The following ADAMTSL1 variants were observed in gnomAD, a reference collection of about 807,000 sequenced individuals.
The protein encoded by ADAMTSL1 is ADAMTS-like protein 1.
Under a neutral mutation model 201.8 loss-of-function variants are expected in ADAMTSL1, and 126 were observed. The ratio of observed to expected loss-of-function variants is 0.62; its 90% CI spans 0.54 to 0.72. ADAMTSL1 has a LOEUF of 0.72. Ranked by LOEUF, ADAMTSL1 falls within the 30% of genes least tolerant of loss-of-function variation. The pLI is 0.00. For synonymous variants in ADAMTSL1, 1,121 were observed against 903.4 expected (o/e 1.24, Z -4.32); for missense variants, 2,679 against 2,277.8 (o/e 1.18, Z -3.59).
At chr9:18,370,758 G>C (rs2133126363) in intron 2 of ADAMTSL1, among the ~76,000 whole-genome samples, 1 of 147,520 alleles carries the variant, frequency 6.8e-6, no homozygotes, top group Non-Finnish European at 1.5e-5. Context: ...TGCCAATTAT[G>C]AGCCAGGCAC....
At chr9:18,727,878 A>G (rs2570568) in intron 15 of ADAMTSL1, among the ~76,000 whole-genome samples, 125,607 of 151,932 alleles carry the variant, frequency 0.83, 52,210 homozygotes, top group Admixed American at 0.89. Context: ...TCAGGAGTTC[A>G]AGACCAGCCT....
chr9:18,839,739 A>T (rs1348202725), intron 23 of ADAMTSL1, among the ~76,000 whole-genome samples: 1 of 152,056 alleles, frequency 6.6e-6, no homozygotes, highest in African/African-American at 2.4e-5. Flanking sequence ...AACTGGTGTG[A>T]GGTGGTATCT....
chr9:18,536,621 C>T (rs979415480), intron 3 of ADAMTSL1, among the ~76,000 whole-genome samples: 1 of 152,100 alleles, frequency 6.6e-6, no homozygotes, highest in African/African-American at 2.4e-5. Context: ...TATTTTCATT[C>T]CTAAGGACAG....
At chr9:18,308,326 C>A (rs749630067) in intron 2 of ADAMTSL1, among the ~76,000 whole-genome samples, 1 of 151,942 alleles carries the variant, frequency 6.6e-6, no homozygotes, top group Admixed American at 6.6e-5. Flanking sequence ...TAGCAGAAGA[C>A]AAGAAATTAC....
At chr9:18,565,511 A>T (rs1247792530) in intron 3 of ADAMTSL1, among the ~76,000 whole-genome samples, 1 of 151,946 alleles carries the variant, frequency 6.6e-6, no homozygotes, top group African/African-American at 2.4e-5. Flanking sequence ...AAGGAGTTTT[A>T]AACTATACCT....
intron 2 of ADAMTSL1, among the ~76,000 whole-genome samples, chr9:18,235,825 C>T (rs564594309): frequency 4.3e-4 from 65 of 152,158 alleles, no homozygotes; most frequent in Admixed American, 1.3e-4. Context: ...GTCCTGAAGA[C>T]TTTACCATCC....
chr9:18,286,033 TTC>T (rs57298631), intron 2 of ADAMTSL1, among the ~76,000 whole-genome samples: 5,782 of 149,596 alleles, frequency 0.039, 367 homozygotes, highest in African/African-American at 0.13. Context: ...ACTGGTTACT[TTC>T]TCTCTCTCTC....
intron 7 of ADAMTSL1, among the ~76,000 whole-genome samples, chr9:18,648,418 G>T (rs1435287697): frequency 6.6e-6 from 1 of 152,074 alleles, no homozygotes; most frequent in African/African-American, 2.4e-5. Flanking sequence ...GTATGACTTT[G>T]ATCCTGTCAT....
rs970537134 is a variant in ADAMTSL1 at position 18,180,339 on chromosome 9, C to T, written c.207+16358C>T. Among the ~76,000 whole-genome samples the T allele has an allele frequency of 5.6e-4, 85 of 152,036 alleles. 1 individual carries two copies. In the Middle Eastern group the frequency reaches 0.014, roughly 25 times the overall value. On this transcript the variant is annotated intron_variant, in intron 2 of 29. Transcript: ENST00000680146. ...ACGAGGTCAGGAGATCGAGACCATC[C>T]CGGCTAAAACGGTGAAACCCCGTCT...
At chr9:18,306,949 G>A (rs1248124324) in intron 2 of ADAMTSL1, among the ~76,000 whole-genome samples, 2 of 152,136 alleles carry the variant, frequency 1.3e-5, no homozygotes, top group Non-Finnish European at 2.9e-5. Flanking sequence ...AGAGAGAAAG[G>A]TTGGGTTACC....
chr9:18,084,037 A>G (rs1366588366), intron 1 of ADAMTSL1, among the ~76,000 whole-genome samples: 1 of 152,188 alleles, frequency 6.6e-6, no homozygotes, highest in Non-Finnish European at 1.5e-5. Flanking sequence ...GTTTACTGAT[A>G]TTTAAGAAGG....
intron 15 of ADAMTSL1, among the ~76,000 whole-genome samples, chr9:18,750,145 A>G (rs1157021435): frequency 6.6e-6 from 1 of 152,204 alleles, no homozygotes; most frequent in Non-Finnish European, 1.5e-5. Context: ...GTGGAAAGAA[A>G]ACCTTTTTTT....
intron 1 of ADAMTSL1, among the ~76,000 whole-genome samples, chr9:18,109,010 C>T (rs1824884515): frequency 6.6e-6 from 1 of 152,028 alleles, no homozygotes. Context: ...TTACTCAGTG[C>T]TATAGTTTTT....
In ADAMTSL1 at chr9:18,430,941, T is replaced by A. The variant is rs186667108; in HGVS notation, c.208-73888T>A. 1.2e-4 allele frequency among the ~76,000 whole-genome samples: 18 copies of A among 152,292 alleles called. No homozygotes were observed. In the East Asian group the frequency reaches 2.3e-3, roughly 20 times the overall value. ...CTGTACAGACATAAAACAGGCTGAATGGGTCATATGACATTTGGATATATT... is the reference window on the plus strand; with the variant it reads ...CTGTACAGACATAAAACAGGCTGAAAGGGTCATATGACATTTGGATATATT... On this transcript the variant is annotated intron_variant, in intron 2 of 29. Coordinates refer to the ADAMTSL1 transcript ENST00000680146.
intron 6 of ADAMTSL1, among the ~76,000 whole-genome samples, chr9:18,637,635 T>A (rs776756): frequency 0.62 from 94,947 of 152,052 alleles, 30,172 homozygotes; most frequent in Non-Finnish European, 0.67. Context: ...ATTGGTAGCA[T>A]ATGTATAGCT....
At chr9:18,021,278 C>A (rs190715878) in intron 1 of ADAMTSL1, among the ~76,000 whole-genome samples, 1 of 152,100 alleles carries the variant, frequency 6.6e-6, no homozygotes, top group East Asian at 1.9e-4. Flanking sequence ...TTTATGTTAA[C>A]ACTTCATATT....
intron 1 of ADAMTSL1, among the ~76,000 whole-genome samples, chr9:18,130,092 C>T (rs1203883585): frequency 6.6e-6 from 1 of 152,148 alleles, no homozygotes; most frequent in Non-Finnish European, 1.5e-5. Context: ...GAATGTGAAG[C>T]CCCACTTCCT....
Position 18,267,673 on chromosome 9 carries a change from C to T in ADAMTSL1, c.207+103692C>T, listed in dbSNP as rs939535667. ...GTAAATAACTCAGTTCCCAACTCAC[C>T]TTTAATAAGTATTTTTTAATAATTT... On this transcript the variant is annotated intron_variant, in intron 2 of 29. Coordinates refer to the ADAMTSL1 transcript ENST00000680146. 2.7e-5 allele frequency among the ~76,000 whole-genome samples: 4 copies of T among 150,494 alleles called. 1 individual carries two copies. In the East Asian group the frequency reaches 7.9e-4, roughly 30 times the overall value.
chr9:18,524,048 A>C (rs1818877824), intron 2 of ADAMTSL1, among the ~76,000 whole-genome samples: 1 of 148,660 alleles, frequency 6.7e-6, no homozygotes, highest in African/African-American at 2.5e-5. Context: ...GGCCATTTTC[A>C]CGATATTGAT....
Sources: gnomAD v4.1 joint callset for allele counts (sites outside exome capture counted in the v4.1 genomes callset) on GRCh38, gnomAD v4.1.1 for gene constraint, MANE v1.5 for transcripts, NCBI Gene and HGNC (gene_info 2026-07-23, HGNC 2026-07-21) for gene names.